Variants in STX19 observed in about 807,000 individuals in gnomAD.
STX19 encodes syntaxin-19.
A neutral mutation model predicts 24.3 loss-of-function variants in STX19; 26 were observed. The observed-to-expected ratio is 1.07, with a 90% CI of 0.78 to 1.48. STX19 has a LOEUF of 1.48. STX19 is among the 40% of genes most tolerant of loss of function. The probability of loss-of-function intolerance (pLI) is 0.00; values close to 1 mark genes in which losing one functional copy is unlikely to be tolerated. For synonymous variants in STX19, 116 were observed against 106.9 expected (o/e 1.09, Z -0.52); for missense variants, 367 against 331.9 (o/e 1.11, Z -0.82).
At chr3:94,023,325 G>C (rs2076488366) in intron 1 of STX19, among the ~76,000 whole-genome samples, 1 of 151,912 alleles carries the variant, frequency 6.6e-6, no homozygotes, top group Admixed American at 6.6e-5. Context: ...ATATTTTGTA[G>C]ATCTGTTTTT....
intron 1 of STX19, 87 bp from the exon 2 acceptor site, chr3:94,015,369 C>T: frequency 1.0e-6 from 1 of 974,138 alleles, no homozygotes; most frequent in Non-Finnish European, 1.4e-6. Context: ...TGTCTATATC[C>T]CAGCAAAAGT....
chr3:94,014,490 A>G lies in STX19; in HGVS notation c.780T>C (p.Tyr260=). The part of the protein sequence containing the change: ...IEMTVNSTKE[Y]VNNTKEKFGL... ...CAAATTTCTCTTTAGTATTGTTAAC[A>G]TACTCTTTTGTACTATTCACTGTCA... Residue 260 remains tyrosine, a synonymous_variant, in exon 2 of 2, where the codon TAT becomes TAC. Coordinates refer to ENST00000315099, the MANE Select transcript of STX19 (RefSeq NM_001001850.3). The G allele has an allele frequency of 6.2e-7, 1 of 1,610,654 alleles. No homozygotes were observed. The highest frequency in any genetic ancestry group is 8.5e-7 in the Non-Finnish European group (1 of 1,179,008).
At chr3:94,025,611 G>T (rs144952659) in intron 1 of STX19, among the ~76,000 whole-genome samples, 103 of 152,272 alleles carry the variant, frequency 6.8e-4, no homozygotes, top group Non-Finnish European at 1.0e-3. Context: ...CTTCATTGGG[G>T]AGTTATACAA....
chr3:94,016,131 TGAC>T (rs971195813), intron 1 of STX19, among the ~76,000 whole-genome samples: 111 of 152,230 alleles, frequency 7.3e-4, no homozygotes, highest in African/African-American at 2.6e-3. Flanking sequence ...ATATATGAAA[TGAC>T]ATACATACAT....
rs1390590074 is a variant in STX19 at position 94,015,122 on chromosome 3, G to A, written c.148C>T (p.His50Tyr). Residue 50 changes from histidine to tyrosine, a missense_variant, in exon 2 of 2, where the codon CAC becomes TAC. Transcript: ENST00000315099. ...IYEREPVAER[H>Y]LHEIQKLQES... ...TGTAGTTTTTGGATTTCATGTAGGTGTCTCTCAGCTACAGGCTCTCTTTCA... is the reference window on the plus strand; with the variant it reads ...TGTAGTTTTTGGATTTCATGTAGGTATCTCTCAGCTACAGGCTCTCTTTCA... 2 of 1,613,802 alleles carry A rather than the reference G, an allele frequency of 1.2e-6. No individual in the cohort carries two copies. Among genetic ancestry groups the A allele is most frequent in the Admixed American group, 1.7e-5 (1 of 59,990 alleles).
chr3:94,023,130 T>C (rs912016572), intron 1 of STX19, among the ~76,000 whole-genome samples: 2 of 152,096 alleles, frequency 1.3e-5, no homozygotes, highest in African/African-American at 4.8e-5. Context: ...TAGCTCCTTT[T>C]CAAAACATAA....
chr3:94,016,304 A>T (rs1206942019), intron 1 of STX19, among the ~76,000 whole-genome samples: 1 of 152,072 alleles, frequency 6.6e-6, no homozygotes, highest in Non-Finnish European at 1.5e-5. Flanking sequence ...CAGAAAAAAA[A>T]GGTCTCTGAA....
rs2076294570 is a variant in STX19, at chr3:94,014,835, C to T, written c.435G>A (p.Gln145=). Residue 145 remains glutamine (Q), a synonymous_variant, in exon 2 of 2, where the codon CAG becomes CAA. Coordinates refer to ENST00000315099, the MANE Select transcript of STX19 (RefSeq NM_001001850.3). The part of the protein sequence containing the change: ...SQHAAMFRHF[Q]QIMFIYNDTI... ...TGTCATTGTATATAAACATGATTTG[C>T]TGAAAATGGCGGAACATTGCAGCAT... is the stretch of plus-strand genomic sequence containing the variant. 6.2e-7 allele frequency: 1 copy of T among 1,614,086 alleles called. No homozygotes were observed. The highest frequency in any genetic ancestry group is 1.3e-5 in the African/African-American group (1 of 75,040).
rs774140218 is a variant in STX19 at position 94,015,274 on chromosome 3, C to T, written c.-5G>A. 6.6e-7 allele frequency: 1 copy of T among 1,522,814 alleles called. No individual in the cohort carries two copies. 94.3% of individuals were successfully genotyped at this position (1,522,814 alleles called of 1,614,324 possible). ...TTCTTGAAGTCGGTCTTTCATCTTC[C>T]CTTTCCTCCTAAGAAGCAAAAATTT... On this transcript the variant is annotated 5_prime_UTR_variant, in exon 2 of 2. Transcript: ENST00000315099.
intron 1 of STX19, among the ~76,000 whole-genome samples, chr3:94,019,438 G>C (rs139157471): frequency 6.6e-6 from 1 of 151,906 alleles, no homozygotes; most frequent in South Asian, 2.1e-4. Flanking sequence ...CTCATGATCC[G>C]CCCATCTTGG....
chr3:94,014,792 C>G lies in STX19; in HGVS notation c.478G>C (p.Glu160Gln). ...CGTAAAATAAATGTCTTGCACTTCT[C>G]TTGCTTTGCTGCTATTGTGTCATTG... ...IYNDTIAAKQ[E>Q]KCKTFILRQL... The change falls in exon 2 of 2, where the codon GAG becomes CAG. Residue 160 changes from glutamate (E) to glutamine (Q), a missense_variant. Coordinates refer to ENST00000315099, the MANE Select transcript of STX19 (RefSeq NM_001001850.3). 1 of 1,614,010 alleles carries G rather than the reference C, an allele frequency of 6.2e-7. No individual in the cohort carries two copies. The highest frequency in any genetic ancestry group is 8.5e-7 in the Non-Finnish European group (1 of 1,179,982).
chr3:94,025,853 A>G (rs1309501340), intron 1 of STX19, among the ~76,000 whole-genome samples: 1 of 152,116 alleles, frequency 6.6e-6, no homozygotes, highest in Non-Finnish European at 1.5e-5. Context: ...TATTATTCCT[A>G]GTTAACTGTT....
At chr3:94,023,057 T>A (rs2076483159) in intron 1 of STX19, among the ~76,000 whole-genome samples, 2 of 152,074 alleles carry the variant, frequency 1.3e-5, no homozygotes, top group Non-Finnish European at 2.9e-5. Flanking sequence ...TTTTATATTC[T>A]CTATTTTTGA....
At chr3:94,024,880 A>C (rs1184248767) in intron 1 of STX19, among the ~76,000 whole-genome samples, 1 of 152,142 alleles carries the variant, frequency 6.6e-6, no homozygotes, top group Admixed American at 6.5e-5. Context: ...GAGCTAGTGC[A>C]CCCAGCCTCT....
intron 1 of STX19, among the ~76,000 whole-genome samples, chr3:94,026,220 C>T (rs534322749): frequency 2.0e-5 from 3 of 152,178 alleles, no homozygotes; most frequent in South Asian, 2.1e-4. Context: ...GGGGTTTCAC[C>T]GTGTGAGCCA....
At chr3:94,021,182 T>TTA (rs373884811) in intron 1 of STX19, among the ~76,000 whole-genome samples, 17,840 of 146,338 alleles carry the variant, frequency 0.12, 1,093 homozygotes, top group Middle Eastern at 0.23. Flanking sequence ...TTTAATATTA[T>TTA]TATATATATA....
chr3:94,025,387 C>CTA (rs904657185), intron 1 of STX19, among the ~76,000 whole-genome samples: 2 of 152,068 alleles, frequency 1.3e-5, no homozygotes, highest in Non-Finnish European at 2.9e-5. Flanking sequence ...TTAAAGTGAG[C>CTA]TATAAAGGTT....
At chr3:94,017,030 C>G (rs2076348356) in intron 1 of STX19, among the ~76,000 whole-genome samples, 1 of 152,106 alleles carries the variant, frequency 6.6e-6, no homozygotes, top group Non-Finnish European at 1.5e-5. Context: ...TAAACTCTGC[C>G]AACTCTATGC....
intron 1 of STX19, among the ~76,000 whole-genome samples, chr3:94,017,703 A>G (rs983606285): frequency 2.0e-5 from 3 of 152,220 alleles, no homozygotes; most frequent in Admixed American, 1.3e-4. Flanking sequence ...TGATACAATA[A>G]TCAGGCAGGG....
Sources: allele counts gnomAD v4.1 joint callset (sites outside exome capture counted in the v4.1 genomes callset), GRCh38; gene constraint gnomAD v4.1.1; transcripts MANE v1.5; gene names NCBI Gene and HGNC (gene_info 2026-07-23, HGNC 2026-07-21).